Variants in ADGB observed in about 807,000 individuals in gnomAD.
ADGB encodes the protein calpain-7-like protein.
ADGB carries 172 observed loss-of-function variants against 210.5 expected under a neutral mutation model. The ratio of observed to expected loss-of-function variants is 0.82; its 90% CI spans 0.72 to 0.93. ADGB has a LOEUF of 0.93. ADGB is among the 40% of genes least tolerant of loss of function. ADGB has a pLI of 0.00. For missense variants in ADGB, 2,025 were observed against 1,964.8 expected (o/e 1.03, Z -0.58); for synonymous variants, 658 against 662.7 (o/e 0.99, Z 0.11).
intron 19 of ADGB, 44 bp downstream of exon 19, chr6:146,726,241 A>C: frequency 4.4e-6 from 6 of 1,360,248 alleles, no homozygotes; most frequent in Non-Finnish European, 6.1e-6. Flanking sequence ...ATTTATTTAG[A>C]GATGGAGTCT....
intron 25 of ADGB, among the ~76,000 whole-genome samples, chr6:146,742,357 G>T (rs1583617469): frequency 6.6e-6 from 1 of 151,514 alleles, no homozygotes. Context: ...TAATAAGACA[G>T]ATTTTTTATA....
intron 12 of ADGB, among the ~76,000 whole-genome samples, chr6:146,698,322 T>C (rs1461977187): frequency 1.3e-5 from 2 of 152,230 alleles, no homozygotes; most frequent in Non-Finnish European, 2.9e-5. Context: ...CCATTAAATA[T>C]GGCTTTAGCC....
intron 2 of ADGB, among the ~76,000 whole-genome samples, chr6:146,638,265 C>T (rs938968203): frequency 6.6e-6 from 1 of 151,946 alleles, no homozygotes; most frequent in African/African-American, 2.4e-5. Flanking sequence ...CATAAACATA[C>T]TCTTTGAAGC....
rs999015564 is a variant in ADGB, at chr6:146,626,480, A to G, written c.75-8895A>G. On this transcript the variant is annotated intron_variant, in intron 1 of 35. Coordinates refer to ENST00000397944, the MANE Select transcript of ADGB (RefSeq NM_024694.4). The stretch of plus-strand genomic sequence containing the variant: ...GCTGATGAATGCTTTTAGCTTTTTT[A>G]TGTCAGACAAAAAGCACTTATGTCC... Among the ~76,000 whole-genome samples, 29 of 151,620 alleles carry G rather than the reference A, an allele frequency of 1.9e-4. 1 individual carries two copies. Among genetic ancestry groups the G allele is most frequent in the African/African-American group, 6.8e-4 (28 of 41,282 alleles).
intron 23 of ADGB, among the ~76,000 whole-genome samples, chr6:146,737,778 G>A (rs1311147600): frequency 1.3e-5 from 2 of 152,124 alleles, no homozygotes; most frequent in Non-Finnish European, 2.9e-5. Flanking sequence ...TAGGGAATAG[G>A]ATCAGTACAC....
chr6:146,656,061 A>G (rs1433205819), intron 4 of ADGB, among the ~76,000 whole-genome samples: 1 of 152,154 alleles, frequency 6.6e-6, no homozygotes, highest in Non-Finnish European at 1.5e-5. Flanking sequence ...AATAGCTACT[A>G]TTATCTACAT....
intron 35 of ADGB, among the ~76,000 whole-genome samples, chr6:146,805,833 T>A (rs1371647292): frequency 6.6e-6 from 1 of 152,242 alleles, no homozygotes; most frequent in African/African-American, 2.4e-5. Context: ...GTCTTATTTT[T>A]CTTGAAGGCA....
intron 4 of ADGB, 94 bp from the exon 5 acceptor site, chr6:146,656,677 T>C: frequency 1.3e-6 from 1 of 788,136 alleles, no homozygotes; most frequent in Non-Finnish European, 2.0e-6. Flanking sequence ...TTAATATTAT[T>C]CTTGGAAGTG....
At chr6:146,795,111 G>T (rs140917827) in intron 33 of ADGB, among the ~76,000 whole-genome samples, 2 of 152,228 alleles carry the variant, frequency 1.3e-5, no homozygotes, top group East Asian at 3.9e-4. Context: ...GCTGAAAATT[G>T]CAGGGGAAAT....
intron 3 of ADGB, among the ~76,000 whole-genome samples, chr6:146,648,130 C>T (rs1299657208): frequency 2.0e-5 from 3 of 151,242 alleles, no homozygotes; most frequent in African/African-American, 7.3e-5. Context: ...GAGTTTTTTA[C>T]ACAAAATTAT....
chr6:146,803,881 T>C, intron 35 of ADGB: 1 of 344,724 alleles, frequency 2.9e-6, no homozygotes, highest in Non-Finnish European at 5.2e-6. Context: ...GGAAAAGTCT[T>C]AACAAGCCAA....
At chr6:146,609,153 G>T in intron 1 of ADGB, among the ~76,000 whole-genome samples, 1 of 152,074 alleles carries the variant, frequency 6.6e-6, no homozygotes, top group East Asian at 1.9e-4. Flanking sequence ...ATCGTTGTTG[G>T]CTTAAAGTCT....
At chr6:146,713,656 A>T (rs903935345) in intron 13 of ADGB, among the ~76,000 whole-genome samples, 1 of 151,962 alleles carries the variant, frequency 6.6e-6, no homozygotes, top group Non-Finnish European at 1.5e-5. Flanking sequence ...CCTTTATCAG[A>T]TATGTAATTT....
intron 35 of ADGB, chr6:146,807,629 A>G: frequency 1.4e-6 from 2 of 1,466,614 alleles, no homozygotes; most frequent in South Asian, 1.4e-5. Context: ...GAGAGAAAAA[A>G]TTTATTTGTA....
At chr6:146,614,419 C>T (rs892998895) in intron 1 of ADGB, among the ~76,000 whole-genome samples, 2 of 152,144 alleles carry the variant, frequency 1.3e-5, no homozygotes, top group African/African-American at 4.8e-5. Flanking sequence ...TCCTTTCATC[C>T]TGTCCTTTCC....
chr6:146,626,188 A>G (rs1282200144), intron 1 of ADGB, among the ~76,000 whole-genome samples: 1 of 152,062 alleles, frequency 6.6e-6, no homozygotes, highest in African/African-American at 2.4e-5. Flanking sequence ...ACATTATAAT[A>G]GTATACTTAT....
At chr6:146,630,358 G>A (rs574969691) in intron 1 of ADGB, among the ~76,000 whole-genome samples, 1 of 152,240 alleles carries the variant, frequency 6.6e-6, no homozygotes, top group African/African-American at 2.4e-5. Context: ...AGGAGTTAGA[G>A]GCCAGCCTGA....
chr6:146,679,700 T>C (rs889796363), intron 9 of ADGB, among the ~76,000 whole-genome samples: 1 of 152,216 alleles, frequency 6.6e-6, no homozygotes, highest in Non-Finnish European at 1.5e-5. Flanking sequence ...CTCCTCTCGA[T>C]ATCTATGAAT....
intron 10 of ADGB, among the ~76,000 whole-genome samples, chr6:146,687,385 G>A (rs915456219): frequency 1.3e-5 from 2 of 151,960 alleles, no homozygotes; most frequent in South Asian, 2.1e-4. Flanking sequence ...GACTGCTGAA[G>A]AATACCAGCA....
Sources: gnomAD v4.1 joint callset for allele counts (sites outside exome capture counted in the v4.1 genomes callset) on GRCh38, gnomAD v4.1.1 for gene constraint, MANE v1.5 for transcripts, NCBI Gene and HGNC (gene_info 2026-07-23, HGNC 2026-07-21) for gene names.